ASB4: variants seen among roughly 807,000 people sequenced by gnomAD.
The protein encoded by ASB4 is ankyrin repeat and SOCS box containing 4, also known as ankyrin repeat and SOCS box protein 4.
ASB4 carries 35 observed loss-of-function variants against 38.6 expected under a neutral mutation model. The observed-to-expected ratio is 0.91, with a 90% CI of 0.69 to 1.20. The LOEUF is 1.20. Among genes scored for constraint, ASB4 ranks in the 50% most tolerant of loss-of-function variants. ASB4 has a pLI of 0.00. For synonymous variants in ASB4, 195 were observed against 201.3 expected, an observed-to-expected ratio of 0.97 and a Z score of 0.26; for missense variants, 557 against 527.2, an observed-to-expected ratio of 1.06 and a Z score of -0.55.
intron 3 of ASB4, among the ~76,000 whole-genome samples, chr7:95,529,344 T>G (rs1359860747): frequency 2.0e-5 from 3 of 152,232 alleles, no homozygotes; most frequent in African/African-American, 7.2e-5. Flanking sequence ...AACAACTGAC[T>G]AATTAGGCCA....
Position 95,528,019 on chromosome 7 carries a change from C to A in ASB4, c.694C>A (p.His232Asn). ...GGAGCAGGAGTACAGCACGGAGCAC[C>A]ACCTGGTCTGCCGCATGCTGCTTGA... ...FKEQEYSTEH[H>N]LVCRMLLDYK... Residue 232 changes from histidine to asparagine, a missense_variant, in exon 3 of 5, where the codon CAC (histidine) becomes AAC (asparagine). His to Asn is a moderately conservative substitution (Grantham distance 68). Coordinates refer to ENST00000325885, the MANE Select transcript of ASB4 (RefSeq NM_016116.3). The A allele has an allele frequency of 6.2e-7, 1 of 1,614,128 alleles. No homozygotes were observed. The highest frequency in any genetic ancestry group is 1.3e-5 in the African/African-American group (1 of 75,056).
chr7:95,484,720 G>A (rs180966642), upstream of ASB4, among the ~76,000 whole-genome samples: 8 of 151,998 alleles, frequency 5.3e-5, no homozygotes, highest in East Asian at 9.6e-4. Context: ...ATATAAAAAT[G>A]CAATTTATTT....
At chr7:95,507,915 A>G (rs2116611169) in intron 2 of ASB4, among the ~76,000 whole-genome samples, 1 of 152,286 alleles carries the variant, frequency 6.6e-6, no homozygotes, top group Non-Finnish European at 1.5e-5. Flanking sequence ...GATTATACCA[A>G]TGAGTTGAGC....
chr7:95,511,662 C>CAAA (rs534302628), intron 2 of ASB4, among the ~76,000 whole-genome samples: 17 of 134,056 alleles, frequency 1.3e-4, no homozygotes, highest in African/African-American at 4.6e-4. Flanking sequence ...AACTCCGTCT[C>CAAA]AAAAAAAAAA....
chr7:95,499,317 G>A (rs1267519403), intron 2 of ASB4, among the ~76,000 whole-genome samples: 3 of 152,150 alleles, frequency 2.0e-5, no homozygotes, highest in Non-Finnish European at 4.4e-5. Context: ...AAGCCCCAAT[G>A]AATTCTAACA....
the ASB4 span, among the ~76,000 whole-genome samples, chr7:95,550,590 G>A: frequency 0.036 from 5,529 of 152,156 alleles, 221 homozygotes; most frequent in African/African-American, 0.092. Flanking sequence ...TACCTCTTTG[G>A]GCACCTGTAA....
chr7:95,548,431 A>G, the ASB4 span, among the ~76,000 whole-genome samples: 8 of 152,224 alleles, frequency 5.3e-5, no homozygotes, highest in Non-Finnish European at 4.4e-5. Context: ...AGCATTTAAT[A>G]GTCACTCAGT....
At chr7:95,526,572 AC>A (rs1163373654) in intron 2 of ASB4, among the ~76,000 whole-genome samples, 1 of 152,180 alleles carries the variant, frequency 6.6e-6, no homozygotes, top group Non-Finnish European at 1.5e-5. Context: ...AGCTGGTTGT[AC>A]TTTTGGCCAA....
Position 95,528,184 on chromosome 7 carries a change from G to A in ASB4, c.859G>A (p.Ala287Thr), listed in dbSNP as rs1584092728. The A allele has an allele frequency of 6.2e-7, 1 of 1,614,204 alleles. No individual in the cohort carries two copies. Among genetic ancestry groups the A allele is most frequent in the Non-Finnish European group, 8.5e-7 (1 of 1,180,040 alleles). The change falls in exon 3 of 5, where the codon GCT becomes ACT. Residue 287 changes from alanine to threonine, a missense_variant. By Grantham distance (58) the Ala-to-Thr change is moderately conservative. Transcript: ENST00000325885. ...CAATCTCATGGATATCAACGGCTGT[G>A]CTGCCATCCAGTACGTGCTGAAGGT... ...EANLMDINGC[A>T]AIQYVLKVTS...
chr7:95,508,897 A>G (rs1258036550), intron 2 of ASB4, among the ~76,000 whole-genome samples: 1 of 152,236 alleles, frequency 6.6e-6, no homozygotes, highest in Non-Finnish European at 1.5e-5. Context: ...ATGCAAAGAC[A>G]GAAGATTGTG....
rs201931788 is a variant in ASB4, at chr7:95,515,424, CT to C, written c.488-12379del. The stretch of plus-strand genomic sequence containing the variant: ...TCTTTTCTTTTTCCTTTCTCTCTCT[CT>C]TTTTTTTTTAAGACAGAGTCTCATT... On this transcript the variant is annotated intron_variant, in intron 2 of 4. Transcript: ENST00000325885. Among the ~76,000 whole-genome samples the C allele has an allele frequency of 1.3e-4, 14 of 107,282 alleles. 2 individuals are homozygous for C. The highest frequency in any genetic ancestry group is 2.0e-4 in the Non-Finnish European group (10 of 48,886). The allele number at this position is 107,282 out of a possible 152,430, so 70.4% of individuals were successfully genotyped here. A position where few individuals can be genotyped will look rare whatever the true frequency, so the allele number is the denominator to read the frequency against.
chr7:95,477,632 G>A (rs565735423), upstream of ASB4, among the ~76,000 whole-genome samples: 5 of 152,150 alleles, frequency 3.3e-5, no homozygotes, highest in East Asian at 7.7e-4. Context: ...TGGAGACTTC[G>A]CTTTGCGACT....
intron 2 of ASB4, among the ~76,000 whole-genome samples, chr7:95,509,320 C>A (rs898764791): frequency 1.3e-5 from 2 of 152,020 alleles, no homozygotes; most frequent in Non-Finnish European, 2.9e-5. Flanking sequence ...AAAAAGAACA[C>A]CCAGCTATAT....
chr7:95,494,572 T>C (rs1790218383), intron 1 of ASB4, among the ~76,000 whole-genome samples: 3 of 152,226 alleles, frequency 2.0e-5, no homozygotes, highest in Admixed American at 2.0e-4. Flanking sequence ...GTTTCAGCCC[T>C]AAAGTAACTT....
At position 95,499,858 on chromosome 7, in the gene ASB4, A is replaced by G. The variant is rs1218051306; in HGVS notation, c.487+3801A>G. Among the ~76,000 whole-genome samples the G allele has an allele frequency of 4.0e-5, 6 of 148,970 alleles. No individual in the cohort carries two copies. In the Admixed American group the frequency reaches 4.1e-4, roughly 10 times the overall value. On this transcript the variant is annotated intron_variant, in intron 2 of 4. Transcript: ENST00000325885. ...AGATTAAATCCAGAGACTACGGGAT[A>G]CATCCTCTTTTTTTTTTTTTTTTTT...
intron 2 of ASB4, among the ~76,000 whole-genome samples, chr7:95,526,105 T>G (rs1407813826): frequency 2.0e-5 from 3 of 152,140 alleles, no homozygotes; most frequent in Admixed American, 1.3e-4. Context: ...GAGAGTAAAC[T>G]ACAGAAAAAT....
intron 2 of ASB4, among the ~76,000 whole-genome samples, chr7:95,502,115 A>G (rs908770536): frequency 5.9e-5 from 9 of 152,002 alleles, no homozygotes; most frequent in East Asian, 5.8e-4. Context: ...CTAAAAAAAA[A>G]AGAGAGAGAA....
intron 2 of ASB4, among the ~76,000 whole-genome samples, chr7:95,504,439 C>G (rs2116605598): frequency 6.6e-6 from 1 of 152,246 alleles, no homozygotes; most frequent in Non-Finnish European, 1.5e-5. Flanking sequence ...AATAGATATG[C>G]CTGCTGGACA....
intron 2 of ASB4, among the ~76,000 whole-genome samples, chr7:95,518,497 C>T (rs933567917): frequency 4.6e-5 from 7 of 152,228 alleles, no homozygotes; most frequent in Admixed American, 3.9e-4. Context: ...AAATAACCTT[C>T]TGTTGCTCTA....
Sources: allele counts gnomAD v4.1 joint callset (sites outside exome capture counted in the v4.1 genomes callset), GRCh38; gene constraint gnomAD v4.1.1; transcripts MANE v1.5; gene names NCBI Gene and HGNC (gene_info 2026-07-23, HGNC 2026-07-21).